Variants in NUP98 observed in about 807,000 individuals in gnomAD.
NUP98 encodes the protein nucleoporin 98 and 96 precursor, also known as nuclear pore complex protein Nup98-Nup96.
NUP98 carries 26 observed loss-of-function variants against 191.9 expected under a neutral mutation model. The observed-to-expected ratio is 0.14, with a 90% CI of 0.10 to 0.19. NUP98 has a LOEUF of 0.19. NUP98 is among the 10% of genes least tolerant of loss of function. The pLI, the probability that NUP98 is intolerant of heterozygous loss-of-function variation, is 1.00. For missense variants in NUP98, 1,941 were observed against 2,178.8 expected, an observed-to-expected ratio of 0.89 and a Z score of 2.17; for synonymous variants, 808 against 778.4, an observed-to-expected ratio of 1.04 and a Z score of -0.63.
At chr11:3,785,602 A>T (rs1241180388) in intron 1 of NUP98, among the ~76,000 whole-genome samples, 1 of 152,154 alleles carries the variant, frequency 6.6e-6, no homozygotes, top group Non-Finnish European at 1.5e-5. Flanking sequence ...CTACTAAAAA[A>T]ACACAAATCA....
chr11:3,744,904 A>G (rs910689580), intron 11 of NUP98, among the ~76,000 whole-genome samples: 3 of 152,214 alleles, frequency 2.0e-5, no homozygotes, highest in Non-Finnish European at 4.4e-5. Context: ...CATAGCTTAG[A>G]TAGTAATCCT....
At chr11:3,792,731 T>C (rs4910810) in intron 1 of NUP98, among the ~76,000 whole-genome samples, 13,478 of 152,264 alleles carry the variant, frequency 0.089, 742 homozygotes, top group African/African-American at 0.14. Context: ...TGTAAAGGTC[T>C]ATTCAAAGTA....
rs150686761 is a variant in NUP98 at position 3,683,248 on chromosome 11, C to T, written c.4870G>A (p.Glu1624Lys). 4.9e-4 allele frequency: 788 copies of T among 1,614,180 alleles called. 4 individuals are homozygous for T. Among genetic ancestry groups the T allele is most frequent in the Non-Finnish European group, 1.4e-4 (160 of 1,180,034 alleles). The change falls in exon 30 of 33, where the codon GAG becomes AAG. Residue 1624 changes from glutamate (E) to lysine (K), a missense_variant. Glu to Lys is a moderately conservative substitution (Grantham distance 56). Transcript: ENST00000324932. ...AGCTTGTGGCAGCGGTTCCAGTGCT[C>T]AGCCTTAAATAAGCAAAGGGCCTCT... ...HLEALCLFKA[E>K]HWNRCHKLII...
intron 4 of NUP98, among the ~76,000 whole-genome samples, 159 bp from the exon 5 acceptor site, chr11:3,776,180 G>C (rs2081721462): frequency 6.8e-6 from 1 of 147,966 alleles, no homozygotes; most frequent in African/African-American, 2.5e-5. Context: ...GGAGTGCAGT[G>C]GTGCAATCAC....
At chr11:3,769,782 T>C (rs1279634971) in intron 7 of NUP98, among the ~76,000 whole-genome samples, 1 of 151,926 alleles carries the variant, frequency 6.6e-6, no homozygotes, top group South Asian at 2.1e-4. Context: ...TGGTGGCTCA[T>C]GCCTGTAATC....
chr11:3,768,018 T>C (rs1198985690), intron 8 of NUP98, among the ~76,000 whole-genome samples: 1 of 152,146 alleles, frequency 6.6e-6, no homozygotes, highest in Non-Finnish European at 1.5e-5. Context: ...AAGTAGTTCC[T>C]ACTTAGTAAT....
intron 26 of NUP98, among the ~76,000 whole-genome samples, chr11:3,693,942 T>G (rs927796138): frequency 1.3e-5 from 2 of 152,096 alleles, no homozygotes; most frequent in Non-Finnish European, 2.9e-5. Context: ...TAAAAAAGAA[T>G]AATGCCAGCC....
intron 11 of NUP98, among the ~76,000 whole-genome samples, chr11:3,752,143 C>CAA (rs112322581): frequency 2.1e-4 from 25 of 121,588 alleles, no homozygotes; most frequent in African/African-American, 6.7e-4. Flanking sequence ...GACTCCATCT[C>CAA]AAAAAAAAAA....
chr11:3,684,868 G>T (rs2078093245), intron 29 of NUP98, among the ~76,000 whole-genome samples: 1 of 146,354 alleles, frequency 6.8e-6, no homozygotes, highest in Admixed American at 6.7e-5. Flanking sequence ...CTAGGTCAAA[G>T]TGAGTACGTG....
At chr11:3,767,310 T>A (rs1057352816) in intron 8 of NUP98, among the ~76,000 whole-genome samples, 1 of 151,634 alleles carries the variant, frequency 6.6e-6, no homozygotes, top group Non-Finnish European at 1.5e-5. Flanking sequence ...TTTGAAGACA[T>A]GGCGGTACAA....
rs773643627 is a variant in NUP98 at position 3,676,320 on chromosome 11, G to A, written c.5242C>T (p.Pro1748Ser). Residue 1748 changes from proline to serine, a missense_variant, in exon 33 of 33, where the codon CCT becomes TCT. Pro to Ser is a moderately conservative substitution (Grantham distance 74). Transcript: ENST00000324932. The part of the protein sequence containing the change: ...LRVVLSLHHP[P>S]DRTSDSTPDP... ...GGTGTTGAGTCGGAGGTTCTATCAG[G>A]AGGATGATGCAGACTCAGCACCACG... 1 of 1,614,122 alleles carries A rather than the reference G, an allele frequency of 6.2e-7. No individual in the cohort carries two copies. The highest frequency in any genetic ancestry group is 1.7e-5 in the Admixed American group (1 of 60,026).
intron 21 of NUP98, 32 bp from the exon 22 acceptor site, chr11:3,705,388 C>T: frequency 1.9e-6 from 3 of 1,604,828 alleles, no homozygotes; most frequent in Non-Finnish European, 2.6e-6. Context: ...AATGAATGTG[C>T]TTCCCAGAAT....
Position 3,712,540 on chromosome 11 carries a change from A to G in NUP98, c.2742+24T>C, listed in dbSNP as rs754561462. On this transcript the variant is annotated intron_variant, in intron 20 of 32. Transcript: ENST00000324932. ...ACTTCGGTATCACGGATTCCATTCA[A>G]ATTCACTGTCCTTTTTTCTCTACCT... is the stretch of plus-strand genomic sequence containing the variant. 8.1e-6 allele frequency: 13 copies of G among 1,611,432 alleles called. No homozygotes were observed. In the East Asian group the frequency reaches 2.2e-4, roughly 28 times the overall value.
At chr11:3,746,412 C>T (rs2080503756) in intron 11 of NUP98, among the ~76,000 whole-genome samples, 1 of 151,218 alleles carries the variant, frequency 6.6e-6, no homozygotes, top group Non-Finnish European at 1.5e-5. Context: ...GTTTACAGCA[C>T]AAACTACAGA....
intron 28 of NUP98, 54 bp from the exon 29 acceptor site, chr11:3,686,248 G>GC: frequency 6.7e-7 from 1 of 1,498,526 alleles, no homozygotes; most frequent in Non-Finnish European, 9.3e-7. Context: ...GGCCTGGACT[G>GC]ATATGTCAAC....
chr11:3,759,863 T>C lies in NUP98; in HGVS notation c.1174+676A>G, dbSNP rs868561109. 9.3e-4 allele frequency among the ~76,000 whole-genome samples: 142 copies of C among 151,956 alleles called. 1 individual carries two copies. Among genetic ancestry groups the C allele is most frequent in the African/African-American group, 3.2e-3 (132 of 41,532 alleles). ...TATTTTATTATTTTTTTTAGAGACCTACTTTCACTATGTTGCCTAGGCTGG... is the reference window on the plus strand; with the variant it reads ...TATTTTATTATTTTTTTTAGAGACCCACTTTCACTATGTTGCCTAGGCTGG... On this transcript the variant is annotated intron_variant, in intron 10 of 32. Transcript: ENST00000324932.
At chr11:3,790,866 T>C (rs1022696425) in intron 1 of NUP98, among the ~76,000 whole-genome samples, 7 of 151,988 alleles carry the variant, frequency 4.6e-5, no homozygotes, top group Admixed American at 6.6e-5. Flanking sequence ...GAAAGCTAAA[T>C]GTAGTTGTTT....
chr11:3,785,213 C>T (rs548998403), intron 1 of NUP98, among the ~76,000 whole-genome samples: 3 of 151,712 alleles, frequency 2.0e-5, no homozygotes, highest in East Asian at 1.9e-4. Context: ...AAAAAACCAA[C>T]GGATTTTTGG....
At chr11:3,750,933 G>A (rs1263841611) in intron 11 of NUP98, among the ~76,000 whole-genome samples, 1 of 152,134 alleles carries the variant, frequency 6.6e-6, no homozygotes, top group East Asian at 1.9e-4. Context: ...ATTAGGCCCA[G>A]CCTACTGATT....
Sources: allele counts gnomAD v4.1 joint callset (sites outside exome capture counted in the v4.1 genomes callset), GRCh38; gene constraint gnomAD v4.1.1; transcripts MANE v1.5; gene names NCBI Gene and HGNC (gene_info 2026-07-23, HGNC 2026-07-21).